Variants in DLGAP2 observed in about 807,000 individuals in gnomAD.
DLGAP2 encodes the protein disks large-associated protein 2.
DLGAP2 carries 26 observed loss-of-function variants against 100.3 expected under a neutral mutation model. That is an observed-to-expected ratio of 0.26 (90% CI 0.19 to 0.36). DLGAP2 has a LOEUF of 0.36. Ranked by LOEUF, DLGAP2 falls within the 10% of genes least tolerant of loss-of-function variation. The pLI is 1.00. For missense variants in DLGAP2, 1,858 were observed against 1,453.2 expected (o/e 1.28, Z -4.53); for synonymous variants, 886 against 630.1 (o/e 1.41, Z -6.08).
chr8:1,701,152 G>A (rs1219829618), intron 14 of DLGAP2, 36 bp from the exon 15 acceptor site: 5 of 1,541,010 alleles, frequency 3.2e-6, no homozygotes, highest in Admixed American at 2.0e-5. Context: ...ACCCTCCTCC[G>A]AGCACCTGCC....
chr8:1,184,162 T>C (rs1797450173), intron 2 of DLGAP2, among the ~76,000 whole-genome samples: 1 of 152,260 alleles, frequency 6.6e-6, no homozygotes, highest in African/African-American at 2.4e-5. Context: ...GTCTCTTTTA[T>C]GCAACCGTCA....
intron 2 of DLGAP2, among the ~76,000 whole-genome samples, chr8:1,214,848 C>T (rs1798180830): frequency 6.6e-6 from 1 of 152,230 alleles, no homozygotes; most frequent in Non-Finnish European, 1.5e-5. Flanking sequence ...AAAGCCAAGC[C>T]ATCTGTTGCT....
At chr8:1,701,089 G>A (rs1799553190) in intron 14 of DLGAP2, 99 bp from the exon 15 acceptor site, 1 of 1,124,282 alleles carries the variant, frequency 8.9e-7, no homozygotes, top group South Asian at 1.6e-5. Context: ...GGGGGCTGCG[G>A]TCGGGAAGGG....
At chr8:1,239,792 G>A (rs1401599604) in intron 2 of DLGAP2, among the ~76,000 whole-genome samples, 1 of 46,844 alleles carries the variant, frequency 2.1e-5, no homozygotes, top group Non-Finnish European at 4.1e-5. Flanking sequence ...ACATGGCGCC[G>A]TGTCTAGTTA....
intron 2 of DLGAP2, among the ~76,000 whole-genome samples, chr8:1,235,471 C>T (rs1055857348): frequency 1.5e-4 from 23 of 151,362 alleles, no homozygotes; most frequent in African/African-American, 5.3e-4. Context: ...CACATGTTGC[C>T]GTGTCTAGTT....
intron 1 of DLGAP2, among the ~76,000 whole-genome samples, chr8:886,551 A>G (rs566067713): frequency 4.5e-4 from 69 of 152,308 alleles, no homozygotes; most frequent in Non-Finnish European, 7.9e-4. Flanking sequence ...GCTGTGTCTC[A>G]GAGATTCTGA....
At chr8:1,585,934 G>C (rs1453366482) in intron 6 of DLGAP2, among the ~76,000 whole-genome samples, 2 of 152,204 alleles carry the variant, frequency 1.3e-5, no homozygotes, top group Admixed American at 1.3e-4. Flanking sequence ...ACTTTCGTGT[G>C]TGTATAAAAA....
chr8:1,313,709 A>C (rs773526688), intron 3 of DLGAP2, among the ~76,000 whole-genome samples: 1 of 152,176 alleles, frequency 6.6e-6, no homozygotes, highest in Non-Finnish European at 1.5e-5. Flanking sequence ...AGGACAAAAG[A>C]GGGTTTCAGT....
intron 2 of DLGAP2, among the ~76,000 whole-genome samples, chr8:1,041,380 G>A (rs112546773): frequency 1.4e-4 from 21 of 152,150 alleles, no homozygotes; most frequent in African/African-American, 2.9e-4. Flanking sequence ...CATCCGTGTC[G>A]ACATCCGCCC....
At chr8:863,966 A>G (rs889156349) in intron 1 of DLGAP2, among the ~76,000 whole-genome samples, 3 of 152,196 alleles carry the variant, frequency 2.0e-5, no homozygotes, top group African/African-American at 7.2e-5. Context: ...GTGTCCATCA[A>G]CAGGTGAATG....
At chr8:1,499,093 A>T (rs1255892127) in intron 3 of DLGAP2, among the ~76,000 whole-genome samples, 2 of 152,228 alleles carry the variant, frequency 1.3e-5, no homozygotes, top group Non-Finnish European at 2.9e-5. Context: ...TTCAAGGCTG[A>T]CCTTCAAACG....
chr8:857,362 G>T (rs906205835), intron 1 of DLGAP2, among the ~76,000 whole-genome samples: 15 of 152,208 alleles, frequency 9.9e-5, no homozygotes, highest in Admixed American at 9.2e-4. Flanking sequence ...AACAGCTTCT[G>T]CTCTGCAAAG....
intron 3 of DLGAP2, among the ~76,000 whole-genome samples, chr8:1,278,998 A>C (rs961998849): frequency 6.6e-6 from 1 of 152,252 alleles, no homozygotes; most frequent in African/African-American, 2.4e-5. Context: ...GAACATATAG[A>C]AAATATAAAG....
chr8:989,499 G>A (rs1186381719), intron 2 of DLGAP2, among the ~76,000 whole-genome samples: 10 of 152,238 alleles, frequency 6.6e-5, no homozygotes, highest in Admixed American at 6.5e-5. Context: ...TGCAGTCGAC[G>A]GAAATACCAG....
Position 1,251,765 on chromosome 8 carries a change from A to G in DLGAP2, c.74-7086A>G, listed in dbSNP as rs573257530. 4.6e-5 allele frequency among the ~76,000 whole-genome samples: 7 copies of G among 152,308 alleles called. No individual in the cohort carries two copies. In the East Asian group the frequency reaches 1.2e-3, roughly 25 times the overall value. ...GTCATTGTCGTACAGTCACGTTGTC[A>G]TCTTGTCCTAGGGTTGTGGTGTCCC... is the stretch of plus-strand genomic sequence containing the variant. On this transcript the variant is annotated intron_variant, in intron 2 of 14. Coordinates refer to ENST00000637795, the MANE Select transcript of DLGAP2 (RefSeq NM_001346810.2).
chr8:1,279,797 G>A (rs1033243450), intron 3 of DLGAP2, among the ~76,000 whole-genome samples: 1 of 152,142 alleles, frequency 6.6e-6, no homozygotes, highest in African/African-American at 2.4e-5. Flanking sequence ...CAGGCAGGTT[G>A]GAGTCTCATC....
chr8:1,696,635 G>A (rs1799404484), intron 13 of DLGAP2, among the ~76,000 whole-genome samples: 1 of 152,228 alleles, frequency 6.6e-6, no homozygotes, highest in African/African-American at 2.4e-5. Flanking sequence ...TCCTAAGTGT[G>A]GGCGCCGGTT....
intron 1 of DLGAP2, among the ~76,000 whole-genome samples, chr8:835,430 T>C (rs923962310): frequency 6.6e-6 from 1 of 152,010 alleles, no homozygotes; most frequent in Non-Finnish European, 1.5e-5. Flanking sequence ...GGCCCTGTTT[T>C]AGATTCCCCA....
intron 6 of DLGAP2, among the ~76,000 whole-genome samples, chr8:1,591,664 C>T (rs866209103): frequency 1.4e-4 from 21 of 152,276 alleles, no homozygotes; most frequent in South Asian, 6.2e-4. Flanking sequence ...AGGAAATATG[C>T]GTGTGATTGC....
Sources: gnomAD v4.1 joint callset for allele counts (sites outside exome capture counted in the v4.1 genomes callset) on GRCh38, gnomAD v4.1.1 for gene constraint, MANE v1.5 for transcripts, NCBI Gene and HGNC (gene_info 2026-07-23, HGNC 2026-07-21) for gene names.